The following MYH14 variants were observed in gnomAD, a reference collection of about 807,000 sequenced individuals.
MYH14 encodes myosin heavy chain 14, also known as myosin-14.
A neutral mutation model predicts 255.5 loss-of-function variants in MYH14; 123 were observed. The observed-to-expected ratio is 0.48, with a 90% CI of 0.42 to 0.56. The LOEUF (loss-of-function observed/expected upper bound fraction) is 0.56, where lower values mean the gene tolerates loss of function less well. Among genes scored for constraint, MYH14 ranks in the 20% least tolerant of loss-of-function variants. MYH14 has a pLI of 0.00. For missense variants in MYH14, 2,423 were observed against 2,802.3 expected, an observed-to-expected ratio of 0.86 and a Z score of 3.06; for synonymous variants, 1,095 against 1,161.2, an observed-to-expected ratio of 0.94 and a Z score of 1.16.
chr19:50,237,692 A>G (rs2033722689), intron 10 of MYH14, among the ~76,000 whole-genome samples: 1 of 152,180 alleles, frequency 6.6e-6, no homozygotes, highest in Admixed American at 6.5e-5. Context: ...GCTAGTTTCC[A>G]GTTCCTCCAG....
intron 8 of MYH14, among the ~76,000 whole-genome samples, chr19:50,228,515 T>C (rs568453890): frequency 6.6e-6 from 1 of 152,214 alleles, no homozygotes. Flanking sequence ...TGCTGCCTTG[T>C]GGGAGATGCT....
chr19:50,240,115 T>G (rs1793434746), intron 10 of MYH14, among the ~76,000 whole-genome samples: 1 of 152,202 alleles, frequency 6.6e-6, no homozygotes, highest in African/African-American at 2.4e-5. Context: ...CTCACCTGGC[T>G]TCTGTCACTC....
intron 20 of MYH14, 42 bp downstream of exon 20, chr19:50,260,757 G>GTC: frequency 1.4e-6 from 2 of 1,473,346 alleles, no homozygotes; most frequent in Non-Finnish European, 9.3e-7. Flanking sequence ...GCGTGTGTGT[G>GTC]TGTGCGTGCA....
At chr19:50,264,067 A>G (rs2115379) in intron 22 of MYH14, among the ~76,000 whole-genome samples, 6 of 118,568 alleles carry the variant, frequency 5.1e-5, no homozygotes, top group East Asian at 2.4e-4. Flanking sequence ...AAAAAAAAAA[A>G]AAAAAAAAAG....
intron 23 of MYH14, among the ~76,000 whole-genome samples, chr19:50,267,397 T>C (rs1393267311): frequency 6.6e-6 from 1 of 152,010 alleles, no homozygotes; most frequent in Non-Finnish European, 1.5e-5. Context: ...CTTAAAATAA[T>C]GCTAGAACAT....
At chr19:50,267,067 G>C in intron 23 of MYH14, 59 bp downstream of exon 23, 1 of 1,457,524 alleles carries the variant, frequency 6.9e-7, no homozygotes, top group South Asian at 1.3e-5. Flanking sequence ...GTGTCGCATG[G>C]GTGGAGCCAG....
At chr19:50,272,405 T>A (rs1047427170) in intron 26 of MYH14, among the ~76,000 whole-genome samples, 155 bp from the exon 27 acceptor site, 1 of 149,988 alleles carries the variant, frequency 6.7e-6, no homozygotes, top group Non-Finnish European at 1.5e-5. Context: ...GTGGGAAGAG[T>A]CCCTGAGATA....
In MYH14 at chr19:50,280,041, A is replaced by T. The variant is rs753182677; in HGVS notation, c.4037A>T (p.Glu1346Val). The T allele has an allele frequency of 6.2e-7, 1 of 1,607,424 alleles. No homozygotes were observed. The highest frequency in any genetic ancestry group is 2.2e-5 in the East Asian group (1 of 44,656). Residue 1346 changes from glutamate to valine, a missense_variant, in exon 31 of 43, where the codon GAA (glutamate) becomes GTA (valine). Glu to Val is a moderately radical substitution (Grantham distance 121). Coordinates refer to ENST00000642316, the MANE Select transcript of MYH14 (RefSeq NM_001145809.2). This position sits in a 1 kb window ranked among gnomAD's most constrained non-coding sequence, Gnocchi z 4.8. ...AAEKLQRAQA[E>V]LENVSGALNE... ...ATTCCCGTCCCTTCCCTGCAGGCTGAACTGGAGAATGTGTCTGGGGCGCTG... is the reference window on the plus strand; with the variant it reads ...ATTCCCGTCCCTTCCCTGCAGGCTGTACTGGAGAATGTGTCTGGGGCGCTG...
chr19:50,265,350 A>C (rs76327777), intron 22 of MYH14, among the ~76,000 whole-genome samples: 2 of 95,766 alleles, frequency 2.1e-5, no homozygotes, highest in African/African-American at 1.2e-4. Flanking sequence ...TCATCTCTAC[A>C]AAAAAAAAAA....
At chr19:50,215,142 C>A (rs1295771774) in intron 2 of MYH14, among the ~76,000 whole-genome samples, 2 of 152,158 alleles carry the variant, frequency 1.3e-5, no homozygotes, top group Non-Finnish European at 2.9e-5. Flanking sequence ...TTCCCCCCAG[C>A]CTTGTTGACC....
Position 50,217,620 on chromosome 19 carries a change from C to T in MYH14, c.411C>T (p.Tyr137=). 1 of 1,614,062 alleles carries T rather than the reference C, an allele frequency of 6.2e-7. No homozygotes were observed. Among genetic ancestry groups the T allele is most frequent in the Non-Finnish European group, 8.5e-7 (1 of 1,179,904 alleles). Residue 137 remains tyrosine, a synonymous_variant, in exon 3 of 43, where the codon TAC becomes TAT. Transcript: ENST00000642316. ...ERYYSGLIYT[Y]SGLFCVVINP... is the part of the protein sequence containing the mutation. ...TCCCCTCTCACCCACTGCAGACGTA[C>T]TCCGGCCTTTTCTGTGTGGTCATCA...
chr19:50,230,687 C>A lies in MYH14; in HGVS notation c.973+64C>A. The A allele has an allele frequency of 6.9e-7, 1 of 1,450,042 alleles. No homozygotes were observed. Among genetic ancestry groups the A allele is most frequent in the Non-Finnish European group, 9.4e-7 (1 of 1,061,878 alleles). 89.8% of individuals were successfully genotyped at this position (1,450,042 alleles called of 1,614,324 possible). On this transcript the variant is annotated intron_variant, in intron 9 of 42. Transcript: ENST00000642316. The surrounding 1 kb of genome is among the most constrained non-coding windows in gnomAD (Gnocchi z 4.7). ...GGGTGGGCACCATGTCTCTCGGGGG[C>A]CCCTTCTGGGGAGGAAGCAAGAGTG...
In MYH14 at chr19:50,261,749, AGGT is replaced by A. The variant is rs548709370; in HGVS notation, c.2585+117_2585+119del. The A allele has an allele frequency of 5.2e-4, 504 of 967,726 alleles. 1 individual carries two copies. In the African/African-American group the frequency reaches 8.0e-3, roughly 15 times the overall value. The allele number at this position is 967,726 out of a possible 1,614,324, so 59.9% of individuals were successfully genotyped here. ...CAGGATGGGTGCAGGGCTGAGGAGC[AGGT>A]GGATGGAGGTGCCGGGTGTCCAGGC... On this transcript the variant is annotated intron_variant, in intron 21 of 42. Coordinates refer to ENST00000642316, the MANE Select transcript of MYH14 (RefSeq NM_001145809.2).
intron 10 of MYH14, among the ~76,000 whole-genome samples, chr19:50,242,158 C>T (rs566775298): frequency 2.6e-4 from 40 of 152,294 alleles, no homozygotes; most frequent in Non-Finnish European, 5.3e-4. Flanking sequence ...CAGAAACACC[C>T]GACCCCTCCA....
At chr19:50,208,451 CAAACA>C (rs869290936) in intron 1 of MYH14, among the ~76,000 whole-genome samples, 8 of 146,376 alleles carry the variant, frequency 5.5e-5, no homozygotes, top group Admixed American at 1.3e-4. Context: ...AACAAACAAA[CAAACA>C]AAAAAACCCA....
At chr19:50,229,684 C>T (rs2033279643) in intron 8 of MYH14, among the ~76,000 whole-genome samples, 1 of 152,052 alleles carries the variant, frequency 6.6e-6, no homozygotes, top group Admixed American at 6.6e-5. Flanking sequence ...AGTCTTGCCA[C>T]CTTTTAATAT....
At chr19:50,209,348 G>C (rs2032017205) in intron 1 of MYH14, among the ~76,000 whole-genome samples, 1 of 152,094 alleles carries the variant, frequency 6.6e-6, no homozygotes, top group South Asian at 2.1e-4. Flanking sequence ...TCCATTGTCA[G>C]TGCCCAGAAC....
intron 42 of MYH14, 184 bp downstream of exon 42, chr19:50,309,361 C>G (rs1221928801): frequency 1.6e-6 from 1 of 642,950 alleles, no homozygotes; most frequent in African/African-American, 1.8e-5. Flanking sequence ...CTTCCCACAC[C>G]CATTTCTCCC....
intron 35 of MYH14, 80 bp from the exon 36 acceptor site, chr19:50,290,807 G>A (rs370966609): frequency 2.1e-6 from 3 of 1,440,998 alleles, no homozygotes; most frequent in East Asian, 2.5e-5. Flanking sequence ...GAGCTCCAGG[G>A]CAGACATCCA....
Sources: gnomAD v4.1 joint callset for allele counts (sites outside exome capture counted in the v4.1 genomes callset) on GRCh38, gnomAD v4.1.1 for gene constraint, Gnocchi (gnomAD v3.1) non-coding constraint, MANE v1.5 for transcripts, NCBI Gene and HGNC (gene_info 2026-07-23, HGNC 2026-07-21) for gene names.